DNAH12: variants seen among roughly 807,000 people sequenced by gnomAD.
The protein encoded by DNAH12 is dynein axonemal heavy chain 12.
Under a neutral mutation model 371.5 loss-of-function variants are expected in DNAH12, and 285 were observed. The ratio of observed to expected loss-of-function variants is 0.77; its 90% CI spans 0.70 to 0.85. The LOEUF (loss-of-function observed/expected upper bound fraction) is 0.85. Ranked by LOEUF, DNAH12 falls within the 40% of genes least tolerant of loss-of-function variation. The probability of loss-of-function intolerance (pLI) is 0.00; values close to 1 mark genes in which losing one functional copy is unlikely to be tolerated. For missense variants in DNAH12, 3,611 were observed against 3,689.4 expected (o/e 0.98, Z 0.55); for synonymous variants, 1,200 against 1,213.0 (o/e 0.99, Z 0.22).
At chr3:57,343,659 G>A (rs1362600005) in intron 60 of DNAH12, among the ~76,000 whole-genome samples, 2 of 152,210 alleles carry the variant, frequency 1.3e-5, no homozygotes, top group Non-Finnish European at 2.9e-5. Flanking sequence ...AGGTGGATTA[G>A]TAAAAGGGGA....
intron 28 of DNAH12, 125 bp from the exon 29 acceptor site, chr3:57,444,941 A>C (rs2065434383): frequency 3.0e-6 from 3 of 1,012,184 alleles, no homozygotes; most frequent in Middle Eastern, 6.8e-4. Context: ...AGTTTATTTT[A>C]CATTGCTCTC....
chr3:57,523,616 AAAAC>A lies in DNAH12; in HGVS notation c.253-11_253-8del, dbSNP rs1426034045. On this transcript the variant is annotated splice_polypyrimidine_tract_variant and splice_region_variant and intron_variant, in intron 3 of 73. Coordinates refer to ENST00000495027, the MANE Select transcript of DNAH12 (RefSeq NM_001366028.2). ...TTTTCATTTCACTGGTCATCTGTCA[AAAAC>A]AAACAGGATATAATTAAATCAAGGA... 6.3e-7 allele frequency: 1 copy of A among 1,575,562 alleles called. No homozygotes were observed. Among genetic ancestry groups the A allele is most frequent in the Non-Finnish European group, 8.6e-7 (1 of 1,162,130 alleles).
At chr3:57,550,856 T>C in the DNAH12 span, among the ~76,000 whole-genome samples, 3 of 151,866 alleles carry the variant, frequency 2.0e-5, no homozygotes, top group African/African-American at 7.3e-5. Context: ...ATTTTTTTTG[T>C]TATTGTTTCA....
intron 25 of DNAH12, among the ~76,000 whole-genome samples, chr3:57,448,280 G>A (rs185460646): frequency 1.2e-3 from 176 of 152,234 alleles, no homozygotes; most frequent in African/African-American, 4.1e-3. Context: ...TGGTCTCGCT[G>A]GCTCAGGAGT....
At chr3:57,465,253 T>A (rs1012225364) in intron 17 of DNAH12, among the ~76,000 whole-genome samples, 2 of 152,240 alleles carry the variant, frequency 1.3e-5, no homozygotes, top group South Asian at 2.1e-4. Context: ...ACTTGAAAAA[T>A]ATATATATAG....
chr3:57,403,538 T>C, intron 42 of DNAH12, 37 bp from the exon 43 acceptor site: 1 of 1,499,496 alleles, frequency 6.7e-7, no homozygotes, highest in African/African-American at 1.4e-5. Context: ...TGCATTACAA[T>C]ATAAATGTAA....
chr3:57,360,832 A>T (rs1340645812), intron 58 of DNAH12, among the ~76,000 whole-genome samples: 1 of 152,114 alleles, frequency 6.6e-6, no homozygotes, highest in Non-Finnish European at 1.5e-5. Flanking sequence ...GTGAAGGAGC[A>T]CATAATTCAT....
rs140237148 is a variant in DNAH12 at position 57,486,312 on chromosome 3, G to A, written c.1515-2801C>T. Among the ~76,000 whole-genome samples, 9 of 152,138 alleles carry A rather than the reference G, an allele frequency of 5.9e-5. No individual in the cohort carries two copies. In the East Asian group the frequency reaches 1.7e-3, roughly 29 times the overall value. On this transcript the variant is annotated intron_variant, in intron 12 of 73. Coordinates refer to ENST00000495027, the MANE Select transcript of DNAH12 (RefSeq NM_001366028.2). ...AGCCCAGGCACAGAGGCTCACGCTT[G>A]TAAACCCAGTACTTTGGGAGGCTGA...
At chr3:57,353,351 G>A (rs1157942670) in intron 59 of DNAH12, among the ~76,000 whole-genome samples, 1 of 151,474 alleles carries the variant, frequency 6.6e-6, no homozygotes, top group Non-Finnish European at 1.5e-5. Flanking sequence ...GGAGTGCAGT[G>A]GCATGATCAC....
At chr3:57,455,069 G>GT (rs2065865111) in intron 22 of DNAH12, among the ~76,000 whole-genome samples, 175 bp from the exon 23 acceptor site, 1 of 151,980 alleles carries the variant, frequency 6.6e-6, no homozygotes, top group African/African-American at 2.4e-5. Flanking sequence ...TTATTATTAT[G>GT]TTTTTGAAAT....
At chr3:57,553,836 T>C in the DNAH12 span, among the ~76,000 whole-genome samples, 1 of 151,606 alleles carries the variant, frequency 6.6e-6, no homozygotes, top group East Asian at 1.9e-4. Context: ...TTCTTTTTTT[T>C]TTTTTTCCGA....
chr3:57,294,556 A>G (rs1408504437), intron 73 of DNAH12, among the ~76,000 whole-genome samples: 1 of 152,176 alleles, frequency 6.6e-6, no homozygotes, highest in Admixed American at 6.5e-5. Flanking sequence ...CTTAGCAGGC[A>G]TGAGAAAACT....
rs1272016653 is a variant in DNAH12, at chr3:57,508,504, A to G, written c.579T>C (p.Tyr193=). 4 of 1,612,474 alleles carry G rather than the reference A, an allele frequency of 2.5e-6. No homozygotes were observed. Among genetic ancestry groups the G allele is most frequent in the South Asian group, 2.2e-5 (2 of 90,600 alleles). ...AGAATATTTGATTTCTTGCCTGCAC[A>G]TAGCTAGAATGCCAAGGATTAGAAT... is the stretch of plus-strand genomic sequence containing the variant. ...LDYSNPWHSS[Y]VQARNQIFSN... is the part of the protein sequence containing the mutation. Residue 193 remains tyrosine, a synonymous_variant, in exon 7 of 74, where the codon TAT becomes TAC. Transcript: ENST00000495027.
At chr3:57,346,054 G>T (rs2062534097) in intron 60 of DNAH12, among the ~76,000 whole-genome samples, 1 of 152,096 alleles carries the variant, frequency 6.6e-6, no homozygotes, top group Non-Finnish European at 1.5e-5. Flanking sequence ...AATACTGAAT[G>T]TTCCTAGCAC....
intron 37 of DNAH12, among the ~76,000 whole-genome samples, chr3:57,417,710 C>T (rs919005393): frequency 4.6e-5 from 7 of 152,158 alleles, no homozygotes; most frequent in African/African-American, 1.7e-4. Flanking sequence ...AAAAATATCA[C>T]TCATGCCCAT....
intron 59 of DNAH12, among the ~76,000 whole-genome samples, chr3:57,356,201 G>A (rs981455656): frequency 1.3e-5 from 2 of 152,084 alleles, no homozygotes; most frequent in Non-Finnish European, 2.9e-5. Context: ...CAGCACTTAG[G>A]GATGCTGAGT....
At chr3:57,397,317 C>T (rs1299399123) in intron 43 of DNAH12, among the ~76,000 whole-genome samples, 1 of 149,624 alleles carries the variant, frequency 6.7e-6, no homozygotes, top group Non-Finnish European at 1.5e-5. Flanking sequence ...GGGACTGTTC[C>T]CAAAAGGGTA....
chr3:57,324,624 C>T (rs909354784), intron 62 of DNAH12, among the ~76,000 whole-genome samples: 3 of 152,150 alleles, frequency 2.0e-5, no homozygotes, highest in Non-Finnish European at 4.4e-5. Flanking sequence ...CTCCGGTCTA[C>T]AGCTCCCAGC....
chr3:57,443,087 T>A (rs2065359321), intron 29 of DNAH12, among the ~76,000 whole-genome samples: 1 of 152,086 alleles, frequency 6.6e-6, no homozygotes, highest in Non-Finnish European at 1.5e-5. Context: ...AATTTGAGAT[T>A]GTTTTGTTTG....
Sources: gnomAD v4.1 joint callset for allele counts (sites outside exome capture counted in the v4.1 genomes callset) on GRCh38, gnomAD v4.1.1 for gene constraint, MANE v1.5 for transcripts, NCBI Gene and HGNC (gene_info 2026-07-23, HGNC 2026-07-21) for gene names.